Variants in SLC39A8 observed in about 807,000 individuals in gnomAD.
SLC39A8 encodes solute carrier family 39 member 8.
In SLC39A8, 15 loss-of-function variants were observed where a neutral mutation model predicts 40.4. The observed-to-expected ratio is 0.37, with a 90% CI of 0.25 to 0.57. SLC39A8 has a LOEUF of 0.57. SLC39A8 is among the 20% of genes least tolerant of loss of function. The pLI is 0.75. For missense variants in SLC39A8, 472 were observed against 558.8 expected (o/e 0.84, Z 1.57); for synonymous variants, 223 against 221.6 (o/e 1.01, Z -0.06).
At chr4:102,323,591 T>A (rs1194373920) in intron 2 of SLC39A8, among the ~76,000 whole-genome samples, 1 of 152,202 alleles carries the variant, frequency 6.6e-6, no homozygotes. Context: ...CTGGGAAGCA[T>A]ATAAGGACTA....
Position 102,344,804 on chromosome 4 carries a change from G to A in SLC39A8, c.-142C>T. 7.6e-7 allele frequency: 1 copy of A among 1,322,694 alleles called. No homozygotes were observed. The highest frequency in any genetic ancestry group is 4.2e-5 in the Admixed American group (1 of 23,910). The allele number at this position is 1,322,694 out of a possible 1,614,324, so 81.9% of individuals were successfully genotyped here. On this transcript the variant is annotated 5_prime_UTR_variant, in exon 2 of 9. It introduces an in-frame stop codon into an upstream open reading frame of the 5' UTR. Transcript: ENST00000356736. ...GTCAGAGGTGGCGCGGGACGCCCCT[G>A]GTTCTCCGACGCCTTCGAAAGAACA...
intron 2 of SLC39A8, among the ~76,000 whole-genome samples, chr4:102,327,017 C>T (rs1330456988): frequency 1.3e-5 from 2 of 152,182 alleles, no homozygotes; most frequent in Non-Finnish European, 2.9e-5. Flanking sequence ...CATGGTGGCT[C>T]ACACTTGTAA....
At chr4:102,303,561 G>A (rs550607065) in intron 6 of SLC39A8, among the ~76,000 whole-genome samples, 1 of 151,878 alleles carries the variant, frequency 6.6e-6, no homozygotes. Flanking sequence ...AGAAAAGAAT[G>A]ATACTAAGAG....
At chr4:102,286,619 T>G (rs1560538451) in intron 6 of SLC39A8, among the ~76,000 whole-genome samples, 1 of 152,086 alleles carries the variant, frequency 6.6e-6, no homozygotes, top group Non-Finnish European at 1.5e-5. Context: ...ATCAAACACA[T>G]AATAACAACT....
chr4:102,316,877 T>C (rs1054086921), intron 2 of SLC39A8, among the ~76,000 whole-genome samples: 2 of 152,084 alleles, frequency 1.3e-5, no homozygotes, highest in African/African-American at 4.8e-5. Context: ...CCTGGTCCAG[T>C]GGGATTAGTG....
intron 6 of SLC39A8, among the ~76,000 whole-genome samples, chr4:102,299,150 A>C (rs1162861600): frequency 6.6e-6 from 1 of 151,848 alleles, no homozygotes; most frequent in Non-Finnish European, 1.5e-5. Context: ...CTCCCACTCC[A>C]CTTCCCAAGT....
At chr4:102,332,269 G>C (rs539717257) in intron 2 of SLC39A8, among the ~76,000 whole-genome samples, 1 of 152,278 alleles carries the variant, frequency 6.6e-6, no homozygotes, top group South Asian at 2.1e-4. Context: ...CTATCCATCT[G>C]ACAAAGGGCT....
At chr4:102,279,883 G>A (rs1311853033) in intron 6 of SLC39A8, among the ~76,000 whole-genome samples, 2 of 152,170 alleles carry the variant, frequency 1.3e-5, no homozygotes, top group African/African-American at 4.8e-5. Context: ...CAAGATTGGA[G>A]GTTGATAGAG....
chr4:102,315,752 T>C lies in SLC39A8; in HGVS notation c.298A>G (p.Ile100Val), dbSNP rs1303494801. Residue 100 changes from isoleucine to valine, a missense_variant, in exon 3 of 9, where the codon ATC becomes GTC. Ile to Val is a conservative substitution (Grantham distance 29). Around this residue, in one of 4 missense-constraint regions of SLC39A8, gnomAD observed 175 missense variants for 160.5 expected, o/e 1.09. Transcript: ENST00000356736. ...TQITSSKFSV[I>V]CPAVLQQLNF... ...AATTGCTGTAAGACTGCTGGACAGA[T>C]GACAGAGAATTTGGAGCTGGTTATT... The C allele has an allele frequency of 1.9e-6, 3 of 1,613,406 alleles. No individual in the cohort carries two copies.
Position 102,307,624 on chromosome 4 carries a change from A to G in SLC39A8, c.383-19T>C. ...CCCCAAACTGTGGGTCAGAGGGAAA[A>G]GAGAGTAGAAATTAATCAGAGCAAG... On this transcript the variant is annotated intron_variant, in intron 3 of 8. Transcript: ENST00000356736. The G allele has an allele frequency of 6.2e-7, 1 of 1,606,336 alleles. No individual in the cohort carries two copies. The highest frequency in any genetic ancestry group is 8.5e-7 in the Non-Finnish European group (1 of 1,176,460).
At chr4:102,269,081 C>T (rs1404222506) in intron 6 of SLC39A8, among the ~76,000 whole-genome samples, 1 of 152,016 alleles carries the variant, frequency 6.6e-6, no homozygotes, top group African/African-American at 2.4e-5. Context: ...ATAGGAAATA[C>T]ACAGAAATGG....
chr4:102,321,385 G>A (rs562308416), intron 2 of SLC39A8, among the ~76,000 whole-genome samples: 92 of 152,298 alleles, frequency 6.0e-4, no homozygotes, highest in South Asian at 1.7e-3. Context: ...GGGAGAATAG[G>A]ATGGAGCCAT....
At chr4:102,274,207 A>C (rs1348032968) in intron 6 of SLC39A8, among the ~76,000 whole-genome samples, 1 of 152,254 alleles carries the variant, frequency 6.6e-6, no homozygotes. Context: ...CCTTGAAAAA[A>C]AAGTTAGAGG....
downstream of SLC39A8, among the ~76,000 whole-genome samples, chr4:102,258,229 C>G (rs1429459948): frequency 1.3e-5 from 2 of 151,934 alleles, no homozygotes; most frequent in African/African-American, 2.4e-5. Context: ...CTCAGCCTCC[C>G]GAGTAGCTGG....
chr4:102,344,667 G>A lies in SLC39A8; in HGVS notation c.-5C>T, dbSNP rs916347345. 1 of 1,501,216 alleles carries A rather than the reference G, an allele frequency of 6.7e-7. No homozygotes were observed. Among genetic ancestry groups the A allele is most frequent in the African/African-American group, 1.5e-5 (1 of 68,596 alleles). The allele number at this position is 1,501,216 out of a possible 1,614,324, so 93.0% of individuals were successfully genotyped here. ...CACCGCGCGACCCGGGGCCATCCTG[G>A]CCTGGGCTTCCCCTTGAGGGCCCGC... On this transcript the variant is annotated 5_prime_UTR_variant, in exon 2 of 9. Transcript: ENST00000356736.
chr4:102,328,801 G>C (rs1235306352), intron 2 of SLC39A8, among the ~76,000 whole-genome samples: 2 of 152,100 alleles, frequency 1.3e-5, no homozygotes, highest in East Asian at 3.9e-4. Context: ...CAAGGTGGGA[G>C]GATCACGAGG....
intron 6 of SLC39A8, among the ~76,000 whole-genome samples, chr4:102,279,962 C>T (rs1732798478): frequency 6.6e-6 from 1 of 152,106 alleles, no homozygotes; most frequent in Admixed American, 6.5e-5. Flanking sequence ...CTCTTCTTTC[C>T]CCATAAGACC....
intron 8 of SLC39A8, among the ~76,000 whole-genome samples, chr4:102,264,339 G>A (rs1276291076): frequency 1.3e-5 from 2 of 152,188 alleles, no homozygotes; most frequent in Non-Finnish European, 2.9e-5. Context: ...CTGTCAATGA[G>A]CAGTAATGTT....
chr4:102,335,590 G>A (rs1226626401), intron 2 of SLC39A8, among the ~76,000 whole-genome samples: 3 of 152,164 alleles, frequency 2.0e-5, no homozygotes, highest in African/African-American at 7.2e-5. Flanking sequence ...ACATTTCAGT[G>A]GTGATGCCAA....
Sources: gnomAD v4.1 joint callset for allele counts (sites outside exome capture counted in the v4.1 genomes callset) on GRCh38, gnomAD v4.1.1 for gene constraint, gnomAD v4.1.1 regional missense constraint, MANE v1.5 for transcripts, NCBI Gene and HGNC (gene_info 2026-07-23, HGNC 2026-07-21) for gene names.